STK35: variants seen among roughly 807,000 people sequenced by gnomAD.
The protein encoded by STK35 is serine/threonine kinase 35, also known as serine/threonine-protein kinase 35.
Under a neutral mutation model 37.3 loss-of-function variants are expected in STK35, and 17 were observed. The ratio of observed to expected loss-of-function variants is 0.46; its 90% CI spans 0.31 to 0.68. The LOEUF (loss-of-function observed/expected upper bound fraction) is 0.68. Ranked by LOEUF, STK35 falls within the 30% of genes least tolerant of loss-of-function variation. STK35 has a pLI of 0.05. For missense variants in STK35, 595 were observed against 746.7 expected (o/e 0.80, Z 2.37); for synonymous variants, 385 against 319.1 (o/e 1.21, Z -2.20).
intron 3 of STK35, among the ~76,000 whole-genome samples, 171 bp from the exon 4 acceptor site, chr20:2,143,613 T>C (rs1450455591): frequency 6.6e-6 from 1 of 152,138 alleles, no homozygotes; most frequent in Non-Finnish European, 1.5e-5. Context: ...ATCTGAAAAA[T>C]AAGCATGTGT....
chr20:2,101,902 G>C lies in STK35; in HGVS notation c.21G>C (p.Pro7=), dbSNP rs1228997460. MGHQES[P]LARAPAGGAA... ...GGGGGATGGGCCACCAGGAGTCTCC[G>C]CTGGCCCGGGCGCCGGCGGGAGGTG... is the stretch of plus-strand genomic sequence containing the variant. The change falls in exon 1 of 4, where the codon CCG becomes CCC. Residue 7 remains proline, a synonymous_variant. Transcript: ENST00000381482. 5 of 1,455,722 alleles carry C rather than the reference G, an allele frequency of 3.4e-6. No homozygotes were observed. Among genetic ancestry groups the C allele is most frequent in the Admixed American group, 4.4e-5 (2 of 45,012 alleles). 90.2% of individuals were successfully genotyped at this position (1,455,722 alleles called of 1,614,324 possible).
chr20:2,129,670 G>A (rs983199319), intron 3 of STK35, among the ~76,000 whole-genome samples: 8 of 152,090 alleles, frequency 5.3e-5, no homozygotes, highest in Non-Finnish European at 1.0e-4. Flanking sequence ...CGTGTCATAC[G>A]AGAGTACCAT....
At chr20:2,124,343 A>G (rs1985868299) in intron 3 of STK35, among the ~76,000 whole-genome samples, 1 of 152,132 alleles carries the variant, frequency 6.6e-6, no homozygotes, top group Non-Finnish European at 1.5e-5. Context: ...CTTCATGGGA[A>G]GGTGTAACTG....
Position 2,102,138 on chromosome 20 carries a change from G to T in STK35, c.257G>T (p.Gly86Val). ...ADHPQAGAPG[G>V]KRAARKWRCA... ...CATCCCCAGGCAGGGGCTCCAGGGG[G>T]GAAACGGGCCGCCCGGAAGTGGAGG... The change falls in exon 1 of 4, where the codon GGG becomes GTG. Residue 86 changes from glycine (G) to valine (V), a missense_variant. Gly to Val is a moderately radical substitution (Grantham distance 109, BLOSUM62 -3). Transcript: ENST00000381482. 1 of 1,397,976 alleles carries T rather than the reference G, an allele frequency of 7.2e-7. No homozygotes were observed. The highest frequency in any genetic ancestry group is 9.3e-7 in the Non-Finnish European group (1 of 1,075,544). 86.6% of individuals were successfully genotyped at this position (1,397,976 alleles called of 1,614,324 possible). A position where few individuals can be genotyped will look rare whatever the true frequency, so the allele number is the denominator to read the frequency against.
chr20:2,134,191 C>G (rs1318216265), intron 3 of STK35, among the ~76,000 whole-genome samples: 1 of 147,510 alleles, frequency 6.8e-6, no homozygotes, highest in East Asian at 2.0e-4. Flanking sequence ...ACCCGGGAGG[C>G]AGAGGTTGTA....
chr20:2,120,006 AGT>A (rs1251140706), intron 3 of STK35, among the ~76,000 whole-genome samples: 3 of 152,364 alleles, frequency 2.0e-5, no homozygotes, highest in East Asian at 3.9e-4. Context: ...GGAGAACAGC[AGT>A]CCCCAAAGCT....
At chr20:2,133,127 G>A (rs1261522134) in intron 3 of STK35, among the ~76,000 whole-genome samples, 1 of 151,980 alleles carries the variant, frequency 6.6e-6, no homozygotes, top group East Asian at 1.9e-4. Flanking sequence ...TGGCTTAGTG[G>A]GCTTTAACTG....
chr20:2,118,294 T>C (rs1985754955), intron 3 of STK35, among the ~76,000 whole-genome samples: 1 of 152,230 alleles, frequency 6.6e-6, no homozygotes, highest in Non-Finnish European at 1.5e-5. Context: ...CTATAAAGAA[T>C]GTATTAGTGA....
At chr20:2,110,977 A>C (rs1243411711) in intron 2 of STK35, among the ~76,000 whole-genome samples, 1 of 152,216 alleles carries the variant, frequency 6.6e-6, no homozygotes, top group Non-Finnish European at 1.5e-5. Flanking sequence ...CTGTGAGAGG[A>C]AATGTAATTA....
At chr20:2,108,129 G>T (rs1430589326) in intron 2 of STK35, among the ~76,000 whole-genome samples, 7 of 152,218 alleles carry the variant, frequency 4.6e-5, no homozygotes, top group Non-Finnish European at 1.0e-4. Flanking sequence ...AACTGCTGTG[G>T]GGTACTGCTG....
intron 3 of STK35, among the ~76,000 whole-genome samples, chr20:2,121,877 A>G (rs1172183201): frequency 2.6e-5 from 4 of 152,176 alleles, no homozygotes; most frequent in African/African-American, 9.7e-5. Context: ...ACCTGTAACT[A>G]GAGTGGATTT....
chr20:2,102,815 G>C lies in STK35; in HGVS notation c.342G>C (p.Arg114Ser), dbSNP rs781482983. 1.3e-6 allele frequency: 2 copies of C among 1,516,734 alleles called. No individual in the cohort carries two copies. The highest frequency in any genetic ancestry group is 1.8e-6 in the Non-Finnish European group (2 of 1,138,108). The allele number at this position is 1,516,734 out of a possible 1,614,324, so 94.0% of individuals were successfully genotyped here. ...PAPPRPRAGRRDEAGGARAAP... is the reference protein window; with the variant it reads ...PAPPRPRAGRSDEAGGARAAP... ...CTCCGCGTCCCAGGGCCGGACGGAG[G>C]GATGAGGCAGGGGGGGCCCGGGCAG... Residue 114 changes from arginine (R) to serine (S), a missense_variant, in exon 2 of 4, where the codon AGG becomes AGC. By Grantham distance (110) the Arg-to-Ser change is moderately radical. Coordinates refer to ENST00000381482, the MANE Select transcript of STK35 (RefSeq NM_080836.4).
At chr20:2,127,246 G>A (rs1292654086) in intron 3 of STK35, among the ~76,000 whole-genome samples, 1 of 151,852 alleles carries the variant, frequency 6.6e-6, no homozygotes, top group African/African-American at 2.4e-5. Flanking sequence ...ACCATGTACA[G>A]CACCCCTTTG....
intron 3 of STK35, among the ~76,000 whole-genome samples, chr20:2,139,335 C>G (rs1339350330): frequency 1.3e-5 from 2 of 152,226 alleles, no homozygotes; most frequent in African/African-American, 4.8e-5. Flanking sequence ...CGTTCACTGC[C>G]TGGTTGGCAC....
intron 2 of STK35, among the ~76,000 whole-genome samples, chr20:2,111,465 G>A (rs1231529918): frequency 6.6e-6 from 1 of 152,164 alleles, no homozygotes; most frequent in African/African-American, 2.4e-5. Flanking sequence ...AGGAGGCTGA[G>A]GTGGAAGGAT....
intron 3 of STK35, among the ~76,000 whole-genome samples, chr20:2,135,181 A>G (rs1266263797): frequency 2.0e-5 from 3 of 152,182 alleles, no homozygotes; most frequent in Admixed American, 6.5e-5. Flanking sequence ...GCCTCCTGGG[A>G]GCACATTCCT....
intron 3 of STK35, among the ~76,000 whole-genome samples, chr20:2,123,126 G>A (rs1016688567): frequency 6.6e-6 from 1 of 152,158 alleles, no homozygotes; most frequent in Non-Finnish European, 1.5e-5. Flanking sequence ...CAAGTCTGCT[G>A]TCTGATATAC....
intron 3 of STK35, among the ~76,000 whole-genome samples, chr20:2,121,249 A>G (rs1027299428): frequency 6.6e-6 from 1 of 152,162 alleles, no homozygotes; most frequent in Admixed American, 6.5e-5. Context: ...AAATAACGGG[A>G]TAAGATGGGA....
intron 3 of STK35, among the ~76,000 whole-genome samples, chr20:2,134,292 C>T (rs1026846774): frequency 2.6e-5 from 4 of 151,006 alleles, no homozygotes; most frequent in African/African-American, 9.7e-5. Context: ...GGGCGGGTCT[C>T]GGGTTCTGCT....
Sources: gnomAD v4.1 joint callset for allele counts (sites outside exome capture counted in the v4.1 genomes callset) on GRCh38, gnomAD v4.1.1 for gene constraint, MANE v1.5 for transcripts, NCBI Gene and HGNC (gene_info 2026-07-23, HGNC 2026-07-21) for gene names.